Variants in PCDHA11 observed in about 807,000 individuals in gnomAD.
The protein encoded by PCDHA11 is protocadherin alpha-11.
Under a neutral mutation model 70.3 loss-of-function variants are expected in PCDHA11, and 61 were observed. The ratio of observed to expected loss-of-function variants is 0.87; its 90% CI spans 0.71 to 1.07. PCDHA11 has a LOEUF of 1.07. PCDHA11 is among the 50% of genes least tolerant of loss of function. The pLI is 0.00. For synonymous variants in PCDHA11, 633 were observed against 555.1 expected (o/e 1.14, Z -1.97); for missense variants, 1,324 against 1,237.5 (o/e 1.07, Z -1.05).
intron 1 of PCDHA11, among the ~76,000 whole-genome samples, chr5:140,899,881 C>G (rs1334700648): frequency 6.6e-6 from 1 of 152,146 alleles, no homozygotes; most frequent in Non-Finnish European, 1.5e-5. Context: ...TAACAGAACT[C>G]AGTGCAGCCT....
At position 140,869,034 on chromosome 5, in the gene PCDHA11, T is replaced by C. The variant is rs1441426453; in HGVS notation, c.-70T>C. The C allele has an allele frequency of 5.2e-6, 8 of 1,527,468 alleles. No homozygotes were observed. 94.6% of individuals were successfully genotyped at this position (1,527,468 alleles called of 1,614,324 possible). ...CTTCTTAAGAATTCAACGAGATTTT[T>C]AACCTGAAACTGAAGAATCTGGTAC... On this transcript the variant is annotated 5_prime_UTR_variant, in exon 1 of 4. Transcript: ENST00000398640.
chr5:140,900,227 G>C (rs1425549345), intron 1 of PCDHA11, among the ~76,000 whole-genome samples: 1 of 152,038 alleles, frequency 6.6e-6, no homozygotes, highest in Admixed American at 6.6e-5. Flanking sequence ...CAAATGACTG[G>C]ATCTTGTTTT....
chr5:140,876,259 C>T (rs1554168431), intron 1 of PCDHA11: 7 of 1,613,952 alleles, frequency 4.3e-6, no homozygotes, highest in South Asian at 1.1e-5. Flanking sequence ...AAGAGTGATC[C>T]AACTAAATGC....
At chr5:140,940,547 C>G (rs1256617271) in intron 1 of PCDHA11, among the ~76,000 whole-genome samples, 1 of 152,018 alleles carries the variant, frequency 6.6e-6, no homozygotes, top group Admixed American at 6.6e-5. Flanking sequence ...TTCCTGGGCT[C>G]AAGTGATTCT....
At chr5:140,966,925 A>T in intron 1 of PCDHA11, 8 of 1,603,462 alleles carry the variant, frequency 5.0e-6, no homozygotes, top group African/African-American at 1.3e-5. Context: ...AGGAGCAGGC[A>T]CCCGGCGCGC....
chr5:140,875,378 T>G, intron 1 of PCDHA11: 1 of 1,458,602 alleles, frequency 6.9e-7, no homozygotes, highest in Non-Finnish European at 9.0e-7. Context: ...TTACTAAATA[T>G]GTACTTACAG....
intron 1 of PCDHA11, among the ~76,000 whole-genome samples, chr5:140,899,678 G>C (rs1554188694): frequency 6.6e-6 from 1 of 152,210 alleles, no homozygotes; most frequent in Non-Finnish European, 1.5e-5. Flanking sequence ...TTGGTATCAG[G>C]ATGATGCTGG....
At chr5:140,990,858 T>C (rs1243458417) in intron 3 of PCDHA11, among the ~76,000 whole-genome samples, 2 of 152,172 alleles carry the variant, frequency 1.3e-5, no homozygotes, top group African/African-American at 2.4e-5. Flanking sequence ...CCTGAGGACA[T>C]TGTATTTTAA....
intron 3 of PCDHA11, among the ~76,000 whole-genome samples, chr5:140,994,425 G>A (rs769335292): frequency 5.3e-5 from 8 of 152,118 alleles, no homozygotes; most frequent in African/African-American, 1.7e-4. Context: ...TATTGAGGCC[G>A]GGCGCAGTGG....
At chr5:140,998,940 A>G (rs2097841050) in intron 3 of PCDHA11, among the ~76,000 whole-genome samples, 1 of 152,222 alleles carries the variant, frequency 6.6e-6, no homozygotes, top group African/African-American at 2.4e-5. Context: ...AGATGAAGAA[A>G]CTGTAAGTCA....
intron 1 of PCDHA11, among the ~76,000 whole-genome samples, chr5:140,872,937 A>C (rs2053993403): frequency 6.6e-6 from 1 of 152,034 alleles, no homozygotes; most frequent in South Asian, 2.1e-4. Flanking sequence ...TGTTTTTGAA[A>C]TTTTCTTTCC....
chr5:140,918,111 C>T (rs1035723043), intron 1 of PCDHA11, among the ~76,000 whole-genome samples: 1 of 152,016 alleles, frequency 6.6e-6, no homozygotes, highest in Non-Finnish European at 1.5e-5. Flanking sequence ...CTTTCACATC[C>T]TTGATTAGCC....
intron 3 of PCDHA11, among the ~76,000 whole-genome samples, chr5:140,998,364 C>T (rs2097808386): frequency 6.6e-6 from 1 of 152,192 alleles, no homozygotes; most frequent in South Asian, 2.1e-4. Flanking sequence ...AACCACTGCA[C>T]ACACCGTCTC....
chr5:140,882,286 A>G lies in PCDHA11; in HGVS notation c.2391+10792A>G, dbSNP rs13357748. The G allele has an allele frequency of 8.5e-4, 1,378 of 1,613,102 alleles. 12 individuals are homozygous for G. In the African/African-American group the frequency reaches 0.015, roughly 17 times the overall value. Reference sequence around the variant, plus strand: ...AGTGTACCATGCTGTCTTCCTGGCAAGGAGGCCCAAGACCGCGGCAACTAC... The same window carrying G: ...AGTGTACCATGCTGTCTTCCTGGCAGGGAGGCCCAAGACCGCGGCAACTAC... On this transcript the variant is annotated intron_variant, in intron 1 of 3. Transcript: ENST00000398640.
At chr5:140,970,466 A>G (rs549761303) in intron 1 of PCDHA11, among the ~76,000 whole-genome samples, 51 of 152,334 alleles carry the variant, frequency 3.3e-4, no homozygotes, top group Non-Finnish European at 4.4e-4. Context: ...TTAAGTAGGT[A>G]TAAGGCCAGC....
intron 1 of PCDHA11, among the ~76,000 whole-genome samples, chr5:140,974,524 T>C (rs976398044): frequency 5.9e-5 from 9 of 152,210 alleles, no homozygotes; most frequent in African/African-American, 9.7e-5. Flanking sequence ...TATTTTAGTT[T>C]TTTTGAGACG....
chr5:141,002,173 C>T (rs1442739241), intron 3 of PCDHA11, among the ~76,000 whole-genome samples: 2 of 152,192 alleles, frequency 1.3e-5, no homozygotes, highest in Non-Finnish European at 2.9e-5. Flanking sequence ...TAGGCAGGCT[C>T]CAGAGTGCTG....
rs2098415057 is a variant in PCDHA11, at chr5:141,009,865, A to G, written c.2778A>G (p.Lys926=). ...AGGAGGAGACCAAGAAAAAGAAGAAAAAGAAGAAGGGTAACAAGACCCAGG... is the reference window on the plus strand; with the variant it reads ...AGGAGGAGACCAAGAAAAAGAAGAAGAAGAAGAAGGGTAACAAGACCCAGG... ...GKKEETKKKK[K]KKKGNKTQEK... The change falls in exon 4 of 4, where the codon AAA becomes AAG. Residue 926 remains lysine, a synonymous_variant. Transcript: ENST00000398640. The G allele has an allele frequency of 6.2e-7, 1 of 1,614,076 alleles. No homozygotes were observed.
chr5:140,927,099 T>C (rs782352775), intron 1 of PCDHA11: 1 of 1,613,434 alleles, frequency 6.2e-7, no homozygotes, highest in Non-Finnish European at 8.5e-7. Context: ...TCGGGGTGGA[T>C]CTACCCAGCG....
Sources: allele counts gnomAD v4.1 joint callset (sites outside exome capture counted in the v4.1 genomes callset), GRCh38; gene constraint gnomAD v4.1.1; transcripts MANE v1.5; gene names NCBI Gene and HGNC (gene_info 2026-07-23, HGNC 2026-07-21).